Variants in SPP2 observed in about 807,000 individuals in gnomAD.
The protein encoded by SPP2 is secreted phosphoprotein 2, also known as secreted phosphoprotein 24.
Under a neutral mutation model 28.8 loss-of-function variants are expected in SPP2, and 34 were observed. That is an observed-to-expected ratio of 1.18 (90% CI 0.90 to 1.57). The LOEUF is 1.57. Ranked by LOEUF, SPP2 falls within the 40% of genes most tolerant of loss-of-function variation. The probability of loss-of-function intolerance (pLI) is 0.00; values close to 1 mark genes in which losing one functional copy is unlikely to be tolerated. For missense variants in SPP2, 269 were observed against 263.9 expected, an observed-to-expected ratio of 1.02 and a Z score of -0.13; for synonymous variants, 96 against 89.4, an observed-to-expected ratio of 1.07 and a Z score of -0.42.
chr2:234,060,700 TTC>T (rs146209101), intron 4 of SPP2, among the ~76,000 whole-genome samples: 15 of 148,976 alleles, frequency 1.0e-4, no homozygotes, highest in South Asian at 2.1e-4. Context: ...TCCTCTCTCT[TTC>T]TCTCTCTCTC....
chr2:234,056,227 A>C (rs1440432944), intron 2 of SPP2: 1 of 151,992 alleles, frequency 6.6e-6, no homozygotes, highest in Admixed American at 6.5e-5. Context: ...ACAAGAAAAA[A>C]AACAAACAAC....
At chr2:234,059,412 G>A (rs28903701) in intron 3 of SPP2, among the ~76,000 whole-genome samples, 2 of 152,076 alleles carry the variant, frequency 1.3e-5, no homozygotes, top group South Asian at 2.1e-4. Context: ...GTTCGCTTTC[G>A]TGTCTCTCAT....
intron 7 of SPP2, among the ~76,000 whole-genome samples, chr2:234,070,333 C>T (rs1011013414): frequency 1.3e-5 from 2 of 152,248 alleles, no homozygotes; most frequent in Non-Finnish European, 2.9e-5. Context: ...ACTGCCTTCC[C>T]TCCGTCCTTC....
intron 4 of SPP2, among the ~76,000 whole-genome samples, chr2:234,065,187 G>A (rs1056492557): frequency 1.3e-5 from 2 of 152,138 alleles, no homozygotes; most frequent in Admixed American, 1.3e-4. Context: ...TAATGTATGA[G>A]GATTTCAGTT....
chr2:234,060,500 C>G, intron 4 of SPP2, 21 bp downstream of exon 4: 1 of 1,583,478 alleles, frequency 6.3e-7, no homozygotes, highest in Non-Finnish European at 8.7e-7. Context: ...GGCCTTGTCT[C>G]CTCCCAGACC....
chr2:234,054,414 A>G (rs1421723800), intron 2 of SPP2, among the ~76,000 whole-genome samples: 3 of 152,172 alleles, frequency 2.0e-5, no homozygotes, highest in Admixed American at 2.0e-4. Flanking sequence ...AGTACCACGA[A>G]CACATAACAA....
intron 7 of SPP2, among the ~76,000 whole-genome samples, chr2:234,074,459 G>A (rs1351588491): frequency 2.6e-5 from 4 of 152,082 alleles, no homozygotes; most frequent in Non-Finnish European, 5.9e-5. Flanking sequence ...TCCCTTGACA[G>A]CCCCCCTACT....
chr2:234,066,247 G>A (rs1363802670), intron 4 of SPP2, among the ~76,000 whole-genome samples: 2 of 152,132 alleles, frequency 1.3e-5, no homozygotes, highest in African/African-American at 2.4e-5. Flanking sequence ...TGTGTAACAG[G>A]GTTTTGCTTT....
chr2:234,059,405 C>T (rs138876429), intron 3 of SPP2, among the ~76,000 whole-genome samples: 12 of 152,252 alleles, frequency 7.9e-5, no homozygotes, highest in East Asian at 7.7e-4. Context: ...ATGGCATGTT[C>T]GCTTTCGTGT....
intron 2 of SPP2, among the ~76,000 whole-genome samples, chr2:234,052,125 T>C (rs972345588): frequency 6.6e-6 from 1 of 152,192 alleles, no homozygotes. Flanking sequence ...TTATAGTTCA[T>C]GAAGACTATG....
chr2:234,065,585 G>T (rs1693803042), intron 4 of SPP2, among the ~76,000 whole-genome samples: 1 of 152,136 alleles, frequency 6.6e-6, no homozygotes, highest in African/African-American at 2.4e-5. Context: ...AGCTCTCATT[G>T]TGGTTTTAAT....
intron 6 of SPP2, 51 bp from the exon 7 acceptor site, chr2:234,069,877 T>C: frequency 7.1e-7 from 1 of 1,410,938 alleles, no homozygotes; most frequent in Admixed American, 1.7e-5. Flanking sequence ...CCACACTGTC[T>C]CAGATCTTGA....
In SPP2 at chr2:234,051,109, G is replaced by T. The variant is rs768328123; in HGVS notation, c.210+14G>T. On this transcript the variant is annotated intron_variant, in intron 2 of 7. Transcript: ENST00000168148. ...TCATTAAAAAGAGTAAGTGCAAAAT[G>T]AAATCTTCTCTACTCCTCCTTCCAA... 6.2e-7 allele frequency: 1 copy of T among 1,611,716 alleles called. No individual in the cohort carries two copies. The highest frequency in any genetic ancestry group is 1.7e-5 in the Admixed American group (1 of 59,970).
chr2:234,067,658 T>G (rs1693850373), intron 6 of SPP2, among the ~76,000 whole-genome samples: 1 of 151,624 alleles, frequency 6.6e-6, no homozygotes, highest in East Asian at 2.0e-4. Context: ...GCGCCTGTAG[T>G]CCCAGCTACT....
At chr2:234,061,470 T>C (rs559938753) in intron 4 of SPP2, among the ~76,000 whole-genome samples, 57 of 152,252 alleles carry the variant, frequency 3.7e-4, no homozygotes, top group Non-Finnish European at 7.3e-4. Context: ...GATAATATTA[T>C]TGACAGATAT....
Position 234,058,861 on chromosome 2 carries a change from T to A in SPP2, c.236T>A (p.Leu79Ter). 1.9e-6 allele frequency: 3 copies of A among 1,614,044 alleles called. No individual in the cohort carries two copies. Among genetic ancestry groups the A allele is most frequent in the Non-Finnish European group, 2.5e-6 (3 of 1,179,946 alleles). The change falls in exon 3 of 8, where the codon TTG (leucine) becomes TAG (stop). Residue 79 changes from leucine (L) to a stop codon, truncating the protein, a stop_gained. Transcript: ENST00000168148. LOFTEE classifies it high-confidence loss of function. ...GTTGAGGTCCTAGATGAGAACAACT[T>A]GGTCATGAATTTAGAGTTCAGCATC... ...KRVEVLDENNLVMNLEFSIRE... is the reference protein window; with the variant it reads ...KRVEVLDENN
intron 4 of SPP2, among the ~76,000 whole-genome samples, chr2:234,064,146 C>A (rs915942605): frequency 6.6e-6 from 1 of 151,378 alleles, no homozygotes; most frequent in African/African-American, 2.4e-5. Context: ...CCTTCTCCCC[C>A]TCATTCCCTT....
chr2:234,069,343 G>A (rs1057271674), intron 6 of SPP2, among the ~76,000 whole-genome samples: 7 of 152,188 alleles, frequency 4.6e-5, no homozygotes, highest in Non-Finnish European at 8.8e-5. Flanking sequence ...AATGTGGGAA[G>A]GGACTGCCCA....
At position 234,050,784 on chromosome 2, in the gene SPP2, A is replaced by G; in HGVS notation, c.-3A>G. On this transcript the variant is annotated 5_prime_UTR_variant, in exon 1 of 8. Transcript: ENST00000168148. ...AGACACTCTCTGTCTCTCGATTACA[A>G]TCATGATTTCCAGAATGGAGAAGAT... 1.2e-6 allele frequency: 2 copies of G among 1,613,718 alleles called. No homozygotes were observed. The highest frequency in any genetic ancestry group is 1.7e-6 in the Non-Finnish European group (2 of 1,179,666).
Sources: gnomAD v4.1 joint callset for allele counts (sites outside exome capture counted in the v4.1 genomes callset) on GRCh38, gnomAD v4.1.1 for gene constraint, MANE v1.5 for transcripts, NCBI Gene and HGNC (gene_info 2026-07-23, HGNC 2026-07-21) for gene names.